The following DGKG variants were observed in gnomAD, a reference collection of about 807,000 sequenced individuals.
The protein encoded by DGKG is DAG kinase gamma.
Under a neutral mutation model 105.3 loss-of-function variants are expected in DGKG, and 78 were observed. The observed-to-expected ratio is 0.74, with a 90% CI of 0.62 to 0.89. The LOEUF is 0.89. Among genes scored for constraint, DGKG ranks in the 40% least tolerant of loss-of-function variants. The probability of loss-of-function intolerance (pLI) is 0.00; values close to 1 mark genes in which losing one functional copy is unlikely to be tolerated. For synonymous variants in DGKG, 346 were observed against 367.1 expected (o/e 0.94, Z 0.66); for missense variants, 958 against 1,020.1 (o/e 0.94, Z 0.83).
rs79690500 is a variant in DGKG at position 186,354,635 on chromosome 3, A to T, written c.-249+7311T>A. 3.0e-3 allele frequency among the ~76,000 whole-genome samples: 452 copies of T among 152,340 alleles called. 2 individuals carry two copies. Among genetic ancestry groups the T allele is most frequent in the African/African-American group, 0.01 (433 of 41,576 alleles). On this transcript the variant is annotated intron_variant, in intron 1 of 24. Transcript: ENST00000265022. ...TTCACTTGGAAAATGAGAGCTCTTA[A>T]GCTCTTTCCTTCTTTTCTCTTACAC...
intron 5 of DGKG, among the ~76,000 whole-genome samples, chr3:186,293,942 TA>T (rs1723426870): frequency 6.6e-6 from 1 of 152,008 alleles, no homozygotes; most frequent in Non-Finnish European, 1.5e-5. Context: ...TTTTTTCCCT[TA>T]AATCTCAAGT....
At chr3:186,251,263 T>G (rs6801129) in intron 19 of DGKG, among the ~76,000 whole-genome samples, 32,332 of 151,954 alleles carry the variant, frequency 0.21, 4,335 homozygotes, top group African/African-American at 0.38. Flanking sequence ...TAGAGGTTTA[T>G]GATGCCCATG....
Position 186,298,017 on chromosome 3 carries a change from A to T in DGKG, c.310+47T>A, listed in dbSNP as rs745640163. 4 of 1,560,520 alleles carry T rather than the reference A, an allele frequency of 2.6e-6. No homozygotes were observed. In the South Asian group the frequency reaches 3.7e-5, roughly 14 times the overall value. The stretch of plus-strand genomic sequence containing the variant: ...ATGCAGTCTGTGGCTGTGGCAGGGG[A>T]TGAGAGCTGCGCAAGGTCTTCCCAT... On this transcript the variant is annotated intron_variant, in intron 4 of 24. Coordinates refer to ENST00000265022, the MANE Select transcript of DGKG (RefSeq NM_001346.3).
rs1170950065 is a variant in DGKG at position 186,361,003 on chromosome 3, T to C, written c.-249+943A>G. Among the ~76,000 whole-genome samples the C allele has an allele frequency of 6.6e-6, 1 of 152,202 alleles. No homozygotes were observed. The highest frequency in any genetic ancestry group is 1.5e-5 in the Non-Finnish European group (1 of 68,028). On this transcript the variant is annotated intron_variant, in intron 1 of 24. Coordinates refer to ENST00000265022, the MANE Select transcript of DGKG (RefSeq NM_001346.3). The surrounding 1 kb of genome is among the most constrained non-coding windows in gnomAD (Gnocchi z 6.8). ...GGTTCACAGCGCTCCCGGGCACCAC[T>C]GCGGCGCAGCCACAGATCGCTTCGC...
intron 3 of DGKG, among the ~76,000 whole-genome samples, chr3:186,298,580 G>A (rs1257646737): frequency 6.6e-6 from 1 of 152,220 alleles, no homozygotes; most frequent in Non-Finnish European, 1.5e-5. Context: ...CAAAGTGCAG[G>A]GCTCTGCCTT....
chr3:186,157,856 C>A (rs1716112732), intron 24 of DGKG, among the ~76,000 whole-genome samples: 2 of 152,114 alleles, frequency 1.3e-5, no homozygotes, highest in Non-Finnish European at 2.9e-5. Context: ...GCATGGGCCA[C>A]CATGCCTGGC....
intron 20 of DGKG, among the ~76,000 whole-genome samples, chr3:186,223,465 G>A (rs1225684464): frequency 3.3e-5 from 5 of 152,106 alleles, no homozygotes; most frequent in African/African-American, 7.2e-5. Context: ...CTAGAATTAA[G>A]TCCACGGTAA....
intron 1 of DGKG, among the ~76,000 whole-genome samples, chr3:186,325,274 T>A (rs1327853626): frequency 6.6e-6 from 1 of 152,142 alleles, no homozygotes; most frequent in Non-Finnish European, 1.5e-5. Flanking sequence ...GCTGAAAAAC[T>A]GAAAAACTGA....
chr3:186,330,177 A>G (rs545871922), intron 1 of DGKG, among the ~76,000 whole-genome samples: 22 of 152,368 alleles, frequency 1.4e-4, no homozygotes, highest in Middle Eastern at 3.4e-3. Context: ...TTAATTTACC[A>G]TAAAATATAC....
intron 22 of DGKG, among the ~76,000 whole-genome samples, chr3:186,173,892 C>A (rs1005962626): frequency 3.3e-5 from 5 of 152,226 alleles, no homozygotes; most frequent in Non-Finnish European, 7.3e-5. Flanking sequence ...TCCTGCCTGG[C>A]CTCTCAAAGC....
At chr3:186,291,073 A>C (rs775427045) in intron 5 of DGKG, among the ~76,000 whole-genome samples, 17 of 152,240 alleles carry the variant, frequency 1.1e-4, no homozygotes, top group Non-Finnish European at 1.8e-4. Flanking sequence ...AGATCCAAAA[A>C]GATCAGACTG....
chr3:186,279,765 G>T, intron 9 of DGKG, 86 bp downstream of exon 9: 1 of 1,524,990 alleles, frequency 6.6e-7, no homozygotes, highest in Admixed American at 1.9e-5. Flanking sequence ...GTCTGGAGCA[G>T]AAGCCAAAGT....
At chr3:186,238,109 A>G (rs6444115) in intron 20 of DGKG, among the ~76,000 whole-genome samples, 26,692 of 151,802 alleles carry the variant, frequency 0.18, 2,760 homozygotes, top group African/African-American at 0.29. Flanking sequence ...GCTTGCTGAC[A>G]TGGTGAAACC....
At chr3:186,165,095 C>T (rs1560077321) in intron 22 of DGKG, 77 bp from the exon 23 acceptor site, 1 of 1,496,962 alleles carries the variant, frequency 6.7e-7, no homozygotes, top group East Asian at 2.3e-5. Context: ...AAAGTCTGGT[C>T]CCCAGATGGC....
chr3:186,239,976 T>G (rs6781136), intron 20 of DGKG, among the ~76,000 whole-genome samples: 4,861 of 151,804 alleles, frequency 0.032, 275 homozygotes, highest in African/African-American at 0.11. Context: ...ATTGCTCTAT[T>G]TATGTCATAT....
intron 3 of DGKG, among the ~76,000 whole-genome samples, chr3:186,302,062 A>G (rs1249119907): frequency 3.3e-5 from 5 of 152,058 alleles, no homozygotes; most frequent in Non-Finnish European, 7.4e-5. Flanking sequence ...CCCGGATTCC[A>G]CTTTTTCCAG....
chr3:186,199,957 T>G (rs1486222090), intron 21 of DGKG, among the ~76,000 whole-genome samples: 1 of 152,212 alleles, frequency 6.6e-6, no homozygotes, highest in Non-Finnish European at 1.5e-5. Context: ...GATCAAGAAG[T>G]CAGCCCAACT....
At chr3:186,288,242 T>C (rs548943544) in intron 6 of DGKG, among the ~76,000 whole-genome samples, 2 of 152,322 alleles carry the variant, frequency 1.3e-5, no homozygotes, top group African/African-American at 2.4e-5. Context: ...GACAAAGGCT[T>C]ATCAAGACAG....
At chr3:186,316,223 A>T (rs1724813493) in intron 2 of DGKG, among the ~76,000 whole-genome samples, 1 of 152,234 alleles carries the variant, frequency 6.6e-6, no homozygotes, top group South Asian at 2.1e-4. Context: ...CCACAGACTC[A>T]TGGGAAACCA....
Sources: gnomAD v4.1 joint callset for allele counts (sites outside exome capture counted in the v4.1 genomes callset) on GRCh38, gnomAD v4.1.1 for gene constraint, Gnocchi (gnomAD v3.1) non-coding constraint, MANE v1.5 for transcripts, NCBI Gene and HGNC (gene_info 2026-07-23, HGNC 2026-07-21) for gene names.